Variants in GLP2R observed in about 807,000 individuals in gnomAD.
GLP2R encodes the protein glucagon-like peptide 2 receptor.
In GLP2R, 59 loss-of-function variants were observed where a neutral mutation model predicts 68.2. That is an observed-to-expected ratio of 0.87 (90% CI 0.70 to 1.07). The LOEUF is 1.07. GLP2R is among the 50% of genes least tolerant of loss of function. GLP2R has a pLI of 0.00. For missense variants in GLP2R, 548 were observed against 677.4 expected, an observed-to-expected ratio of 0.81 and a Z score of 2.12; for synonymous variants, 270 against 265.4, an observed-to-expected ratio of 1.02 and a Z score of -0.17.
intron 4 of GLP2R, among the ~76,000 whole-genome samples, chr17:9,850,053 T>C (rs12150554): frequency 0.16 from 23,625 of 152,234 alleles, 2,369 homozygotes; most frequent in Non-Finnish European, 0.23. Context: ...TATATAATTT[T>C]GTTAGACATT....
At chr17:9,838,740 C>G (rs1167581461) in intron 3 of GLP2R, among the ~76,000 whole-genome samples, 1 of 152,136 alleles carries the variant, frequency 6.6e-6, no homozygotes, top group African/African-American at 2.4e-5. Context: ...TCTTTAGAAT[C>G]CAAATGGATC....
intron 3 of GLP2R, among the ~76,000 whole-genome samples, chr17:9,839,407 C>T (rs919531809): frequency 5.9e-5 from 9 of 152,050 alleles, no homozygotes; most frequent in Non-Finnish European, 8.8e-5. Context: ...TCCTTCTCCT[C>T]CTCCTCCTTC....
chr17:9,889,451 G>C lies in GLP2R; in HGVS notation c.1408G>C (p.Asp470His), dbSNP rs17681684. Residue 470 changes from aspartate to histidine, a missense_variant, in exon 13 of 13, where the codon GAC (aspartate) becomes CAC (histidine). By Grantham distance (81) the Asp-to-His change is moderately conservative. Transcript: ENST00000262441. ...SGCRACVLGK[D>H]FRFLGKCPKK... The stretch of plus-strand genomic sequence containing the variant: ...CTGCAGAGCCTGTGTCCTGGGGAAG[G>C]ACTTCCGGTTCCTAGGAAAATGTCC... The C allele has an allele frequency of 1.2e-6, 2 of 1,613,956 alleles. No individual in the cohort carries two copies. Among genetic ancestry groups the C allele is most frequent in the South Asian group, 2.2e-5 (2 of 91,076 alleles).
At chr17:9,847,868 A>G (rs1052803934) in intron 4 of GLP2R, among the ~76,000 whole-genome samples, 39 of 152,134 alleles carry the variant, frequency 2.6e-4, no homozygotes, top group Admixed American at 6.5e-5. Flanking sequence ...CTAATCTTCC[A>G]TCAAGGCGCA....
At chr17:9,870,681 G>T in intron 9 of GLP2R, 66 bp from the exon 10 acceptor site, 1 of 799,314 alleles carries the variant, frequency 1.3e-6, no homozygotes, top group Admixed American at 1.7e-5. Flanking sequence ...AGCCCAGCCT[G>T]ACCTTGAAGT....
Position 9,889,826 on chromosome 17 carries a change from CT to C in GLP2R, c.*124del. The C allele has an allele frequency of 1.5e-6, 1 of 653,084 alleles. No individual in the cohort carries two copies. The highest frequency in any genetic ancestry group is 2.6e-6 in the Non-Finnish European group (1 of 378,894). 40.5% of individuals were successfully genotyped at this position (653,084 alleles called of 1,614,324 possible). On this transcript the variant is annotated 3_prime_UTR_variant, in exon 13 of 13. Transcript: ENST00000262441. ...CATTCTCGTTCCATTCACCATGCCA[CT>C]TTGATATGAAAGCTATCACAAGGTT... is the stretch of plus-strand genomic sequence containing the variant.
chr17:9,888,084 C>G lies in GLP2R; in HGVS notation c.1326+111C>G, dbSNP rs2067259144. On this transcript the variant is annotated intron_variant, in intron 12 of 12. Transcript: ENST00000262441. ...GATGCTACGGGAGAATGTGCAGTGACCAGCATGTGTGGGGACAAATTTGTA... is the reference window on the plus strand; with the variant it reads ...GATGCTACGGGAGAATGTGCAGTGAGCAGCATGTGTGGGGACAAATTTGTA... 5.6e-5 allele frequency: 46 copies of G among 824,576 alleles called. No individual in the cohort carries two copies. In the South Asian group the frequency reaches 6.1e-4, roughly 11 times the overall value. The allele number at this position is 824,576 out of a possible 1,614,324, so 51.1% of individuals were successfully genotyped here. A position where few individuals can be genotyped will look rare whatever the true frequency, so the allele number is the denominator to read the frequency against.
chr17:9,865,317 TG>T (rs201052571), intron 9 of GLP2R, among the ~76,000 whole-genome samples: 28,541 of 96,878 alleles, frequency 0.29, 3,857 homozygotes, highest in African/African-American at 0.49. Flanking sequence ...TGTGATTTTG[TG>T]TGTGTGTGTG....
Position 9,857,492 on chromosome 17 carries a change from T to A in GLP2R, c.681T>A (p.Ala227=), listed in dbSNP as rs1413538930. ...CTTCTTTCATCCTGAGAACCCTGGC[T>A]GTACTGGTGAAGGACGTCGTCTTCT... ...LFASFILRTL[A]VLVKDVVFYN... Residue 227 remains alanine, a synonymous_variant, in exon 6 of 13, where the codon GCT becomes GCA. Transcript: ENST00000262441. 6.2e-7 allele frequency: 1 copy of A among 1,614,174 alleles called. No homozygotes were observed. Among genetic ancestry groups the A allele is most frequent in the South Asian group, 1.1e-5 (1 of 91,084 alleles).
rs867908875 is a variant in GLP2R, at chr17:9,832,258, C to T, written c.190-1549C>T. Among the ~76,000 whole-genome samples, 7 of 151,794 alleles carry T rather than the reference C, an allele frequency of 4.6e-5. No homozygotes were observed. The East Asian group carries it at 1.2e-3, about 25-fold the overall frequency. ...TTTGAGACCAGCCTGGGAAATGTAGCGAAATCCTGTCTCTACAAAAAATAC... is the reference window on the plus strand; with the variant it reads ...TTTGAGACCAGCCTGGGAAATGTAGTGAAATCCTGTCTCTACAAAAAATAC... On this transcript the variant is annotated intron_variant, in intron 1 of 12. Coordinates refer to ENST00000262441, the MANE Select transcript of GLP2R (RefSeq NM_004246.3).
intron 5 of GLP2R, 35 bp from the exon 6 acceptor site, chr17:9,857,383 TCTTTC>T: frequency 6.2e-7 from 1 of 1,606,622 alleles, no homozygotes; most frequent in Non-Finnish European, 8.5e-7. Context: ...TTGGAGCCAT[TCTTTC>T]CTGAGGGAAG....
chr17:9,867,801 T>A (rs960650138), intron 9 of GLP2R, among the ~76,000 whole-genome samples: 1 of 152,166 alleles, frequency 6.6e-6, no homozygotes, highest in East Asian at 1.9e-4. Context: ...AAAGCCTGCA[T>A]TTGCTATTGT....
intron 3 of GLP2R, among the ~76,000 whole-genome samples, chr17:9,837,274 C>A (rs1222102234): frequency 6.6e-6 from 1 of 152,206 alleles, no homozygotes; most frequent in African/African-American, 2.4e-5. Flanking sequence ...CGCCCACTAC[C>A]CTTCCCAGCC....
intron 5 of GLP2R, among the ~76,000 whole-genome samples, chr17:9,855,706 C>T (rs1567726684): frequency 6.6e-6 from 1 of 152,146 alleles, no homozygotes; most frequent in East Asian, 1.9e-4. Context: ...ATTATTACCC[C>T]CACTTTAGAC....
intron 9 of GLP2R, among the ~76,000 whole-genome samples, chr17:9,865,510 A>G (rs1373693795): frequency 6.6e-6 from 1 of 152,118 alleles, no homozygotes; most frequent in African/African-American, 2.4e-5. Flanking sequence ...TAAACTCCTT[A>G]GAGTCATTCC....
At chr17:9,870,652 C>T (rs1288250622) in intron 9 of GLP2R, 95 bp from the exon 10 acceptor site, 2 of 730,064 alleles carry the variant, frequency 2.7e-6, no homozygotes, top group East Asian at 4.9e-5. Context: ...TTACATTGAA[C>T]TGATGGAACT....
intron 3 of GLP2R, among the ~76,000 whole-genome samples, chr17:9,836,915 T>A (rs1181260121): frequency 6.6e-6 from 1 of 152,102 alleles, no homozygotes; most frequent in African/African-American, 2.4e-5. Context: ...GGTGGCGCGA[T>A]CTCAGCTCAC....
chr17:9,867,938 G>C (rs1191732750), intron 9 of GLP2R, among the ~76,000 whole-genome samples: 1 of 152,074 alleles, frequency 6.6e-6, no homozygotes, highest in Non-Finnish European at 1.5e-5. Context: ...GTGGCTTCAG[G>C]CTTCCCAAGA....
chr17:9,864,681 C>A (rs2067018753), intron 9 of GLP2R, among the ~76,000 whole-genome samples: 1 of 152,076 alleles, frequency 6.6e-6, no homozygotes, highest in Admixed American at 6.6e-5. Context: ...CACCACCACA[C>A]CCGGCTAATT....
Sources: allele counts gnomAD v4.1 joint callset (sites outside exome capture counted in the v4.1 genomes callset), GRCh38; gene constraint gnomAD v4.1.1; transcripts MANE v1.5; gene names NCBI Gene and HGNC (gene_info 2026-07-23, HGNC 2026-07-21).